SH3RF3: variants seen among roughly 807,000 people sequenced by gnomAD.
The protein encoded by SH3RF3 is SH3 domain containing ring finger 3.
A neutral mutation model predicts 66.3 loss-of-function variants in SH3RF3; 29 were observed. That is an observed-to-expected ratio of 0.44 (90% confidence interval 0.33 to 0.60). SH3RF3 has a LOEUF of 0.60. Among genes scored for constraint, SH3RF3 ranks in the 20% least tolerant of loss-of-function variants. SH3RF3 has a pLI of 0.04. For synonymous variants in SH3RF3, 583 were observed against 532.0 expected, an observed-to-expected ratio of 1.10 and a Z score of -1.32; for missense variants, 1,194 against 1,190.9, an observed-to-expected ratio of 1.00 and a Z score of -0.04.
chr2:109,482,515 G>C (rs1678860767), intron 8 of SH3RF3, among the ~76,000 whole-genome samples: 1 of 152,128 alleles, frequency 6.6e-6, no homozygotes, highest in African/African-American at 2.4e-5. Context: ...TTTGTTTCAG[G>C]AGCTCCCTGA....
intron 1 of SH3RF3, among the ~76,000 whole-genome samples, chr2:109,330,894 A>G (rs1439853728): frequency 6.6e-6 from 1 of 152,216 alleles, no homozygotes; most frequent in Non-Finnish European, 1.5e-5. Flanking sequence ...AGGGTCTGCA[A>G]GTCACTCATC....
intron 4 of SH3RF3, among the ~76,000 whole-genome samples, chr2:109,406,684 G>T (rs1190346799): frequency 6.6e-6 from 1 of 152,180 alleles, no homozygotes; most frequent in East Asian, 1.9e-4. Context: ...TTCTGACAGA[G>T]ATTTTAAGAC....
At chr2:109,141,840 C>T (rs567472376) in intron 1 of SH3RF3, among the ~76,000 whole-genome samples, 189 of 152,236 alleles carry the variant, frequency 1.2e-3, no homozygotes, top group Middle Eastern at 3.4e-3. Flanking sequence ...CAGGTCCTCG[C>T]CTCCTTTCAC....
intron 1 of SH3RF3, among the ~76,000 whole-genome samples, chr2:109,272,466 T>C (rs1488138587): frequency 1.3e-5 from 2 of 152,202 alleles, no homozygotes; most frequent in African/African-American, 4.8e-5. Flanking sequence ...GCTTTCCTGG[T>C]GTGTGGGACG....
chr2:109,238,060 G>A (rs547938722), intron 1 of SH3RF3, among the ~76,000 whole-genome samples: 1 of 152,126 alleles, frequency 6.6e-6, no homozygotes, highest in South Asian at 2.1e-4. Context: ...TAAAAAATTA[G>A]CCAAGCATGG....
chr2:109,427,161 G>A (rs11695901), intron 5 of SH3RF3, among the ~76,000 whole-genome samples: 9,380 of 151,958 alleles, frequency 0.062, 381 homozygotes, highest in South Asian at 0.11. Flanking sequence ...TAGAGACGGG[G>A]TTTCACCATT....
intron 2 of SH3RF3, among the ~76,000 whole-genome samples, chr2:109,363,555 G>A (rs1683095742): frequency 6.6e-6 from 1 of 152,088 alleles, no homozygotes; most frequent in Non-Finnish European, 1.5e-5. Context: ...CTTCTCTGGT[G>A]CGTTGCCTTT....
intron 1 of SH3RF3, among the ~76,000 whole-genome samples, chr2:109,160,497 A>G (rs1424064637): frequency 6.6e-6 from 1 of 152,246 alleles, no homozygotes; most frequent in African/African-American, 2.4e-5. Context: ...ACCCTCTGGC[A>G]GGGAGAACGT....
intron 1 of SH3RF3, among the ~76,000 whole-genome samples, chr2:109,230,871 G>A (rs1325308171): frequency 6.6e-6 from 1 of 152,194 alleles, no homozygotes; most frequent in Non-Finnish European, 1.5e-5. Context: ...CTGGCCAATA[G>A]GACTCCCTTT....
intron 2 of SH3RF3, among the ~76,000 whole-genome samples, chr2:109,368,718 A>AG (rs1373590229): frequency 1.3e-5 from 2 of 150,786 alleles, no homozygotes; most frequent in African/African-American, 4.9e-5. Context: ...TAAAAAAAAA[A>AG]AAAAAGAAAA....
chr2:109,137,385 C>T (rs191820504), intron 1 of SH3RF3, among the ~76,000 whole-genome samples: 28 of 152,300 alleles, frequency 1.8e-4, no homozygotes, highest in African/African-American at 6.3e-4. Flanking sequence ...CTTGGTGTTG[C>T]GGGCAGCACC....
intron 6 of SH3RF3, among the ~76,000 whole-genome samples, chr2:109,435,175 C>A (rs1387166987): frequency 6.6e-6 from 1 of 152,202 alleles, no homozygotes; most frequent in Non-Finnish European, 1.5e-5. Context: ...AGGAACTGCG[C>A]CCGGGTCGGC....
intron 1 of SH3RF3, among the ~76,000 whole-genome samples, chr2:109,161,495 A>T (rs1005539843): frequency 6.6e-6 from 1 of 151,338 alleles, no homozygotes; most frequent in South Asian, 2.1e-4. Context: ...CGTGCATTAC[A>T]TATCGTAAGG....
At chr2:109,191,067 T>C (rs572151880) in intron 1 of SH3RF3, among the ~76,000 whole-genome samples, 1 of 152,042 alleles carries the variant, frequency 6.6e-6, no homozygotes, top group Non-Finnish European at 1.5e-5. Flanking sequence ...TAACCTCCTC[T>C]GTTGTATTCG....
At chr2:109,500,622 GAAAA>G (rs994991502) in intron 9 of SH3RF3, among the ~76,000 whole-genome samples, 2 of 152,134 alleles carry the variant, frequency 1.3e-5, no homozygotes, top group African/African-American at 4.8e-5. Flanking sequence ...AAGGCACTGG[GAAAA>G]AAATCTTATG....
chr2:109,143,807 T>TAC (rs1261848743), intron 1 of SH3RF3, among the ~76,000 whole-genome samples: 22 of 88,374 alleles, frequency 2.5e-4, no homozygotes, highest in African/African-American at 4.5e-4. Flanking sequence ...TGCTGTGCTG[T>TAC]ATACACACAC....
At chr2:109,256,442 T>C (rs1431257329) in intron 1 of SH3RF3, among the ~76,000 whole-genome samples, 1 of 152,018 alleles carries the variant, frequency 6.6e-6, no homozygotes, top group East Asian at 1.9e-4. Context: ...TACCATTGAC[T>C]GAAACAGGGA....
intron 1 of SH3RF3, among the ~76,000 whole-genome samples, chr2:109,245,473 A>G (rs867777676): frequency 1.3e-5 from 2 of 152,188 alleles, no homozygotes; most frequent in African/African-American, 4.8e-5. Flanking sequence ...AGTGCTTCCT[A>G]TGTGAGTTGA....
intron 3 of SH3RF3, among the ~76,000 whole-genome samples, chr2:109,388,545 G>T (rs1371340017): frequency 6.6e-6 from 1 of 152,240 alleles, no homozygotes; most frequent in Non-Finnish European, 1.5e-5. Flanking sequence ...GCTCTGTAGA[G>T]GGGTGAGAAG....
Sources: allele counts gnomAD v4.1 joint callset (sites outside exome capture counted in the v4.1 genomes callset), GRCh38; gene constraint gnomAD v4.1.1; transcripts MANE v1.5; gene names NCBI Gene and HGNC (gene_info 2026-07-23, HGNC 2026-07-21).